Variants in RSRC1 observed in about 807,000 individuals in gnomAD.
RSRC1 encodes serine/Arginine-related protein 53.
Under a neutral mutation model 49.1 loss-of-function variants are expected in RSRC1, and 39 were observed. The observed-to-expected ratio is 0.79, with a 90% confidence interval of 0.61 to 1.04. RSRC1 has a LOEUF of 1.04. Ranked by LOEUF, RSRC1 falls within the 50% of genes least tolerant of loss-of-function variation. RSRC1 has a pLI of 0.00. For synonymous variants in RSRC1, 143 were observed against 130.8 expected, an observed-to-expected ratio of 1.09 and a Z score of -0.63; for missense variants, 388 against 402.4, an observed-to-expected ratio of 0.96 and a Z score of 0.31.
In RSRC1 at chr3:158,321,974, T is replaced by TACACACAC. The variant is rs71144456; in HGVS notation, c.531+23925_531+23932dup. ...ATTAAGAGAAGAAACTTTTAACACC[T>TACACACAC]ACACACACACACACACACACACACA... is the stretch of plus-strand genomic sequence containing the variant. On this transcript the variant is annotated intron_variant, in intron 5 of 9. Coordinates refer to ENST00000611884, the MANE Select transcript of RSRC1 (RefSeq NM_001271838.2). 3.5e-3 allele frequency among the ~76,000 whole-genome samples: 527 copies of TACACACAC among 148,508 alleles called. 5 individuals are homozygous for TACACACAC. Among genetic ancestry groups the TACACACAC allele is most frequent in the African/African-American group, 0.012 (493 of 40,524 alleles).
intron 7 of RSRC1, among the ~76,000 whole-genome samples, chr3:158,473,525 A>G (rs1738232828): frequency 6.6e-6 from 1 of 151,884 alleles, no homozygotes; most frequent in Non-Finnish European, 1.5e-5. Context: ...GGGTGAGGGC[A>G]GGGGGGAGGG....
intron 4 of RSRC1, chr3:158,225,687 G>A (rs1215784873): frequency 2.2e-6 from 1 of 453,784 alleles, no homozygotes; most frequent in Non-Finnish European, 4.4e-6. Flanking sequence ...AGAGGAAAAA[G>A]AAACTTACAT....
intron 4 of RSRC1, among the ~76,000 whole-genome samples, chr3:158,206,268 A>AC (rs1721339001): frequency 6.6e-6 from 1 of 152,030 alleles, no homozygotes; most frequent in African/African-American, 2.4e-5. Flanking sequence ...CCCTCCATAA[A>AC]CTTCAAGCTG....
intron 4 of RSRC1, among the ~76,000 whole-genome samples, chr3:158,259,472 G>A (rs1724766016): frequency 6.6e-6 from 1 of 152,124 alleles, no homozygotes; most frequent in Non-Finnish European, 1.5e-5. Flanking sequence ...ACTGGGGTAA[G>A]GGTGACAAAC....
intron 3 of RSRC1, among the ~76,000 whole-genome samples, chr3:158,146,088 G>T (rs1717092414): frequency 6.6e-6 from 1 of 152,272 alleles, no homozygotes; most frequent in Non-Finnish European, 1.5e-5. Flanking sequence ...GGGAGAATTT[G>T]ACTTCTCTTT....
intron 7 of RSRC1, among the ~76,000 whole-genome samples, chr3:158,491,848 G>A (rs1449761505): frequency 6.6e-6 from 1 of 152,106 alleles, no homozygotes; most frequent in Non-Finnish European, 1.5e-5. Context: ...CAGAGGTTTT[G>A]CCTTTTTATA....
At chr3:158,242,638 A>G (rs535262714) in intron 4 of RSRC1, among the ~76,000 whole-genome samples, 23 of 152,206 alleles carry the variant, frequency 1.5e-4, no homozygotes, top group African/African-American at 4.8e-4. Flanking sequence ...GTCTTCCACA[A>G]TGGTTATACT....
intron 6 of RSRC1, among the ~76,000 whole-genome samples, chr3:158,440,745 A>G (rs376905004): frequency 3.3e-5 from 5 of 151,996 alleles, no homozygotes; most frequent in African/African-American, 1.2e-4. Flanking sequence ...GGAGTTTGAA[A>G]CCAACCTGAC....
chr3:158,517,538 A>T (rs747575264), intron 7 of RSRC1, among the ~76,000 whole-genome samples: 1 of 150,900 alleles, frequency 6.6e-6, no homozygotes, highest in Non-Finnish European at 1.5e-5. Context: ...CAGATCAGAG[A>T]TGTTTCCTTC....
intron 3 of RSRC1, among the ~76,000 whole-genome samples, chr3:158,155,410 G>A (rs1012376559): frequency 3.9e-5 from 6 of 151,922 alleles, no homozygotes; most frequent in African/African-American, 1.5e-4. Context: ...TGGGTGACTA[G>A]ATACATTGTC....
At chr3:158,155,652 A>C (rs1717830516) in intron 3 of RSRC1, among the ~76,000 whole-genome samples, 1 of 147,694 alleles carries the variant, frequency 6.8e-6, no homozygotes, top group South Asian at 2.1e-4. Flanking sequence ...CATGTTGCCC[A>C]AGCTGATCTC....
At chr3:158,121,997 C>G in intron 1 of RSRC1, 106 bp from the exon 2 acceptor site, 3 of 608,574 alleles carry the variant, frequency 4.9e-6, no homozygotes, top group African/African-American at 1.9e-5. Flanking sequence ...AGAGGGAGAC[C>G]CCATCTCTAA....
chr3:158,181,541 A>T (rs897627925), intron 3 of RSRC1, among the ~76,000 whole-genome samples: 1 of 152,114 alleles, frequency 6.6e-6, no homozygotes, highest in Admixed American at 6.5e-5. Context: ...TGATAAAAAT[A>T]GTTCATTTTA....
chr3:158,415,388 A>G (rs1408758359), intron 6 of RSRC1, among the ~76,000 whole-genome samples: 3 of 151,890 alleles, frequency 2.0e-5, no homozygotes, highest in Non-Finnish European at 4.4e-5. Flanking sequence ...AGTCATTTGT[A>G]CTGTTACTGT....
intron 3 of RSRC1, among the ~76,000 whole-genome samples, chr3:158,175,483 A>ATT (rs138435487): frequency 2.6e-5 from 4 of 151,030 alleles, no homozygotes; most frequent in Non-Finnish European, 3.0e-5. Context: ...GTATGGTATG[A>ATT]TTTTTTTTTG....
At chr3:158,475,106 T>C (rs2108427609) in intron 7 of RSRC1, among the ~76,000 whole-genome samples, 1 of 152,190 alleles carries the variant, frequency 6.6e-6, no homozygotes, top group Middle Eastern at 3.4e-3. Flanking sequence ...TATTTTTTTG[T>C]AGACATGAGG....
chr3:158,525,194 A>G (rs188464816), intron 7 of RSRC1, among the ~76,000 whole-genome samples: 177 of 152,100 alleles, frequency 1.2e-3, no homozygotes, highest in Middle Eastern at 6.8e-3. Flanking sequence ...AATTCCGTAT[A>G]TATAAAGAAC....
chr3:158,169,504 C>T (rs555760168), intron 3 of RSRC1, among the ~76,000 whole-genome samples: 1 of 152,240 alleles, frequency 6.6e-6, no homozygotes, highest in South Asian at 2.1e-4. Context: ...AGAAATAAAG[C>T]TCTTTCTACT....
At chr3:158,278,828 A>G (rs1424049131) in intron 4 of RSRC1, among the ~76,000 whole-genome samples, 2 of 152,198 alleles carry the variant, frequency 1.3e-5, no homozygotes, top group Admixed American at 1.3e-4. Flanking sequence ...TTGTGAAGAA[A>G]TTCTGCTGTG....
Sources: gnomAD v4.1 joint callset for allele counts (sites outside exome capture counted in the v4.1 genomes callset) on GRCh38, gnomAD v4.1.1 for gene constraint, MANE v1.5 for transcripts, NCBI Gene and HGNC (gene_info 2026-07-23, HGNC 2026-07-21) for gene names.